CNTN4: variants seen among roughly 807,000 people sequenced by gnomAD.
CNTN4 encodes contactin 4.
A neutral mutation model predicts 122.5 loss-of-function variants in CNTN4; 77 were observed. The ratio of observed to expected loss-of-function variants is 0.63; its 90% CI spans 0.52 to 0.76. The LOEUF (loss-of-function observed/expected upper bound fraction) is 0.76. Among genes scored for constraint, CNTN4 ranks in the 30% least tolerant of loss-of-function variants. The pLI, the probability that CNTN4 is intolerant of heterozygous loss-of-function variation, is 0.00. For synonymous variants in CNTN4, 512 were observed against 447.0 expected (o/e 1.15, Z -1.83); for missense variants, 1,256 against 1,259.1 (o/e 1.00, Z 0.04).
intron 3 of CNTN4, among the ~76,000 whole-genome samples, chr3:2,377,020 G>A (rs1021845825): frequency 3.3e-5 from 5 of 152,152 alleles, no homozygotes; most frequent in Non-Finnish European, 5.9e-5. Flanking sequence ...GCCAGGCATA[G>A]TGGAGCACAC....
chr3:2,247,912 C>T (rs141385519), intron 2 of CNTN4, among the ~76,000 whole-genome samples: 2 of 152,078 alleles, frequency 1.3e-5, no homozygotes, highest in African/African-American at 4.8e-5. Flanking sequence ...TGTGTTTCCT[C>T]TCCTTGAATT....
intron 8 of CNTN4, among the ~76,000 whole-genome samples, chr3:2,868,970 G>C (rs1226649401): frequency 6.6e-6 from 1 of 151,946 alleles, no homozygotes; most frequent in African/African-American, 2.4e-5. Context: ...GAGCTTTCCA[G>C]GCTGAGTTAA....
rs552861816 is a variant in CNTN4, at chr3:2,631,855, C to T, written c.55+60297C>T. Among the ~76,000 whole-genome samples, 100 of 124,328 alleles carry T rather than the reference C, an allele frequency of 8.0e-4. 1 individual carries two copies. The East Asian group carries it at 0.011, about 13-fold the overall frequency. The allele number at this position is 124,328 out of a possible 152,430, so 81.6% of individuals were successfully genotyped here. On this transcript the variant is annotated intron_variant, in intron 4 of 24. Coordinates refer to ENST00000418658, the MANE Select transcript of CNTN4 (RefSeq NM_175607.3). ...ACCAGCTTGGGCAACATAGGGAGAC[C>T]GTATCTCTACAAAAAAAAAAAAACA...
chr3:2,634,974 T>A (rs540524906), intron 4 of CNTN4, among the ~76,000 whole-genome samples: 1 of 152,170 alleles, frequency 6.6e-6, no homozygotes, highest in Non-Finnish European at 1.5e-5. Context: ...AAAGACCTGG[T>A]ATGTGCCACT....
At chr3:2,890,690 G>A (rs909782628) in intron 10 of CNTN4, among the ~76,000 whole-genome samples, 38 of 152,160 alleles carry the variant, frequency 2.5e-4, no homozygotes, top group African/African-American at 8.9e-4. Context: ...AATAATGGAA[G>A]CCCTATTGCC....
chr3:2,309,062 C>G (rs1170020284), intron 2 of CNTN4, among the ~76,000 whole-genome samples: 2 of 152,048 alleles, frequency 1.3e-5, no homozygotes, highest in Non-Finnish European at 2.9e-5. Context: ...GATTTTGAAG[C>G]TTTTCAACTA....
chr3:2,559,015 C>G (rs1194629047), intron 3 of CNTN4, among the ~76,000 whole-genome samples: 1 of 152,104 alleles, frequency 6.6e-6, no homozygotes, highest in Admixed American at 6.6e-5. Flanking sequence ...AGTGTTTGCC[C>G]GATTTGGCCT....
chr3:2,576,760 C>G (rs1256707634), intron 4 of CNTN4, among the ~76,000 whole-genome samples: 1 of 152,108 alleles, frequency 6.6e-6, no homozygotes, highest in East Asian at 1.9e-4. Context: ...GTGGGCCAGG[C>G]TGGTCTCGAA....
intron 3 of CNTN4, among the ~76,000 whole-genome samples, chr3:2,431,503 A>G (rs1265459334): frequency 6.6e-6 from 1 of 152,230 alleles, no homozygotes; most frequent in East Asian, 1.9e-4. Flanking sequence ...TGCAAAAGTG[A>G]TGCATTAGAC....
intron 2 of CNTN4, among the ~76,000 whole-genome samples, chr3:2,217,479 A>G (rs2038893948): frequency 6.6e-6 from 1 of 152,204 alleles, no homozygotes; most frequent in Non-Finnish European, 1.5e-5. Flanking sequence ...AGTGTTGTCA[A>G]TTAAAACAAA....
At chr3:2,793,915 T>C (rs1465665407) in intron 6 of CNTN4, among the ~76,000 whole-genome samples, 1 of 152,160 alleles carries the variant, frequency 6.6e-6, no homozygotes, top group South Asian at 2.1e-4. Flanking sequence ...CTCAAATTCC[T>C]ATCTGAGAAA....
At chr3:2,518,392 T>C (rs1419767118) in intron 3 of CNTN4, among the ~76,000 whole-genome samples, 1 of 152,186 alleles carries the variant, frequency 6.6e-6, no homozygotes, top group African/African-American at 2.4e-5. Context: ...TGTAAAGTGA[T>C]AGACTGAACT....
intron 3 of CNTN4, among the ~76,000 whole-genome samples, chr3:2,473,280 A>G (rs2075743711): frequency 6.6e-6 from 1 of 150,384 alleles, no homozygotes; most frequent in Non-Finnish European, 1.5e-5. Flanking sequence ...CTCCTGCTGT[A>G]CTACGATAGC....
intron 6 of CNTN4, among the ~76,000 whole-genome samples, chr3:2,782,465 C>CTGTG (rs137927481): frequency 0.049 from 6,480 of 133,154 alleles, 184 homozygotes; most frequent in East Asian, 0.078. Context: ...CCTTCTTATT[C>CTGTG]TGTGTGTGTG....
chr3:2,848,713 C>T (rs766033067), intron 7 of CNTN4, among the ~76,000 whole-genome samples: 9 of 152,234 alleles, frequency 5.9e-5, no homozygotes, highest in South Asian at 2.1e-4. Context: ...GGTAACTCAG[C>T]GGGAAGGAGA....
intron 14 of CNTN4, among the ~76,000 whole-genome samples, chr3:2,994,613 A>ATATATGTG (rs370506181): frequency 4.2e-5 from 6 of 142,158 alleles, no homozygotes; most frequent in African/African-American, 1.6e-4. Flanking sequence ...ATATATATAT[A>ATATATGTG]TGTGTGTATA....
At chr3:2,661,809 CAAAAA>C (rs544079802) in intron 4 of CNTN4, among the ~76,000 whole-genome samples, 17 of 78,474 alleles carry the variant, frequency 2.2e-4, no homozygotes, top group African/African-American at 5.2e-4. Context: ...AATTCCATCT[CAAAAA>C]AAAAAAAAAA....
intron 2 of CNTN4, among the ~76,000 whole-genome samples, chr3:2,310,386 G>A (rs752657207): frequency 3.9e-5 from 6 of 152,154 alleles, no homozygotes; most frequent in Non-Finnish European, 7.4e-5. Context: ...TTCTCAGTCA[G>A]TACAGCATGC....
intron 3 of CNTN4, among the ~76,000 whole-genome samples, chr3:2,528,693 A>G (rs536707531): frequency 3.1e-4 from 47 of 152,266 alleles, no homozygotes; most frequent in African/African-American, 5.3e-4. Context: ...AATTTTTTCA[A>G]TTCTCTGGTA....
Sources: gnomAD v4.1 joint callset for allele counts (sites outside exome capture counted in the v4.1 genomes callset) on GRCh38, gnomAD v4.1.1 for gene constraint, MANE v1.5 for transcripts, NCBI Gene and HGNC (gene_info 2026-07-23, HGNC 2026-07-21) for gene names.